MED13L: variants seen among roughly 807,000 people sequenced by gnomAD.
MED13L encodes the protein mediator of RNA polymerase II transcription subunit 13-like.
A neutral mutation model predicts 220.9 loss-of-function variants in MED13L; 7 were observed. The observed-to-expected ratio is 0.03, with a 90% CI of 0.02 to 0.06. The LOEUF is 0.06. Among genes scored for constraint, MED13L ranks in the 10% least tolerant of loss-of-function variants. The pLI is 1.00. For synonymous variants in MED13L, 1,011 were observed against 1,015.2 expected (o/e 1.00, Z 0.08); for missense variants, 1,965 against 2,760.5 (o/e 0.71, Z 6.46).
At chr12:116,081,503 A>G (rs1482680369) in intron 4 of MED13L, among the ~76,000 whole-genome samples, 1 of 152,228 alleles carries the variant, frequency 6.6e-6, no homozygotes, top group Admixed American at 6.5e-5. Flanking sequence ...ATACTCCTGT[A>G]TTAAAATAGT....
rs1228642041 is a variant in MED13L at position 116,218,523 on chromosome 12, T to C, written c.310+18945A>G. ...CAGTACTCTATGTACTTTCTGGCATTCTCCAGAAATTCGGTCTTCAGGGAA... is the reference window on the plus strand; with the variant it reads ...CAGTACTCTATGTACTTTCTGGCATCCTCCAGAAATTCGGTCTTCAGGGAA... On this transcript the variant is annotated intron_variant, in intron 2 of 30. Transcript: ENST00000281928. 5.3e-5 allele frequency among the ~76,000 whole-genome samples: 8 copies of C among 152,210 alleles called. No individual in the cohort carries two copies. In the South Asian group the frequency reaches 1.7e-3, roughly 32 times the overall value.
intron 2 of MED13L, among the ~76,000 whole-genome samples, chr12:116,169,491 A>T (rs528268666): frequency 4.9e-4 from 74 of 152,354 alleles, no homozygotes; most frequent in Admixed American, 9.1e-4. Flanking sequence ...CATCTGCCTT[A>T]ACAGAAGACA....
chr12:116,123,213 T>C (rs545991343), intron 2 of MED13L, among the ~76,000 whole-genome samples: 3 of 152,340 alleles, frequency 2.0e-5, no homozygotes, highest in African/African-American at 4.8e-5. Flanking sequence ...CCAGATTTCA[T>C]GACAGGCATT....
chr12:116,090,922 C>T (rs1322119002), intron 4 of MED13L, among the ~76,000 whole-genome samples: 1 of 151,916 alleles, frequency 6.6e-6, no homozygotes, highest in Non-Finnish European at 1.5e-5. Flanking sequence ...GTCAAGAGTT[C>T]GAGACTAGCC....
intron 2 of MED13L, among the ~76,000 whole-genome samples, chr12:116,137,784 G>C (rs1473791177): frequency 6.6e-6 from 1 of 151,746 alleles, no homozygotes; most frequent in East Asian, 1.9e-4. Flanking sequence ...AAAAAATACG[G>C]TGTTGTACCT....
intron 4 of MED13L, among the ~76,000 whole-genome samples, chr12:116,076,052 T>C (rs1870770324): frequency 6.6e-6 from 1 of 151,852 alleles, no homozygotes; most frequent in South Asian, 2.1e-4. Flanking sequence ...TAGCTGGGAC[T>C]ACAGGCGCCC....
intron 2 of MED13L, among the ~76,000 whole-genome samples, chr12:116,214,356 T>G (rs1882880262): frequency 6.6e-6 from 1 of 152,178 alleles, no homozygotes. Flanking sequence ...GTAACTCAGT[T>G]CTTGAAGTCA....
chr12:115,978,326 C>CTTTTTTTT (rs60887652), intron 23 of MED13L, among the ~76,000 whole-genome samples: 2 of 132,186 alleles, frequency 1.5e-5, no homozygotes, highest in Non-Finnish European at 3.3e-5. Context: ...AATTTTTTTT[C>CTTTTTTTT]TTTTTTTTTT....
At position 115,959,981 on chromosome 12, in the gene MED13L, C is replaced by T. The variant is rs1875658215; in HGVS notation, c.*1285G>A. The T allele has an allele frequency of 6.6e-6, 1 of 152,544 alleles. No individual in the cohort carries two copies. The highest frequency in any genetic ancestry group is 2.4e-5 in the African/African-American group (1 of 41,412). The allele number at this position is 152,544 out of a possible 1,614,324, so 9.4% of individuals were successfully genotyped here. ...CACACCCACTGTCCTCAGACAGAAA[C>T]ACACAACACAAGGGTTAGAAACAGG... On this transcript the variant is annotated 3_prime_UTR_variant, in exon 31 of 31. Transcript: ENST00000281928.
rs756574572 is a variant in MED13L at position 115,972,059 on chromosome 12, A to G, written c.5890+19T>C. 1.2e-6 allele frequency: 2 copies of G among 1,613,252 alleles called. No homozygotes were observed. The highest frequency in any genetic ancestry group is 1.7e-6 in the Non-Finnish European group (2 of 1,179,472). On this transcript the variant is annotated intron_variant, in intron 26 of 30. Transcript: ENST00000281928. ...TTGATGTGATATGTAATTAATGACA[A>G]TGACAAGAAGAAATTTACCTGGCAT...
intron 4 of MED13L, among the ~76,000 whole-genome samples, chr12:116,026,674 C>A (rs1180860746): frequency 1.3e-5 from 2 of 152,082 alleles, no homozygotes; most frequent in African/African-American, 4.8e-5. Flanking sequence ...GCCTAAATCC[C>A]AACTATTAAA....
At chr12:116,242,599 T>C (rs1247744952) in intron 1 of MED13L, among the ~76,000 whole-genome samples, 3 of 152,170 alleles carry the variant, frequency 2.0e-5, no homozygotes, top group African/African-American at 7.2e-5. Flanking sequence ...TTATGTATAA[T>C]AACCACCAAC....
intron 4 of MED13L, among the ~76,000 whole-genome samples, chr12:116,093,216 GA>G (rs1872382090): frequency 6.6e-6 from 1 of 151,970 alleles, no homozygotes; most frequent in African/African-American, 2.4e-5. Flanking sequence ...CTAGACCTTA[GA>G]AAACAGAAAT....
intron 2 of MED13L, among the ~76,000 whole-genome samples, chr12:116,168,069 G>A (rs1406737028): frequency 6.6e-6 from 1 of 152,020 alleles, no homozygotes; most frequent in Non-Finnish European, 1.5e-5. Flanking sequence ...AGATAGCTAA[G>A]CCACATGTGT....
chr12:116,196,800 C>T (rs1343196270), intron 2 of MED13L, among the ~76,000 whole-genome samples: 1 of 152,106 alleles, frequency 6.6e-6, no homozygotes, highest in Non-Finnish European at 1.5e-5. Context: ...TTTATCTAAA[C>T]TAGTTAAGAC....
At chr12:116,011,511 G>A (rs2137398417) in intron 9 of MED13L, among the ~76,000 whole-genome samples, 1 of 152,286 alleles carries the variant, frequency 6.6e-6, no homozygotes, top group East Asian at 1.9e-4. Flanking sequence ...TGAAAGAAAA[G>A]TTAAATACAC....
chr12:115,963,461 T>C lies in MED13L; in HGVS notation c.6446A>G (p.Asn2149Ser). Residue 2149 changes from asparagine (N) to serine (S), a missense_variant, in exon 30 of 31, where the codon AAT (asparagine) becomes AGT (serine). Around this residue, in one of 10 missense-constraint regions of MED13L, gnomAD observed 145 missense variants for 328.3 expected, o/e 0.44. Transcript: ENST00000281928. ...AAGAGGGTGTGGAACCCGCTGAGAA[T>C]TCCTGGCAGGCAGAAGTTCGTCTGT... ...AQTDELLPARNSQRVPHPLDS... is the reference protein window; with the variant it reads ...AQTDELLPARSSQRVPHPLDS... 2 of 1,614,232 alleles carry C rather than the reference T, an allele frequency of 1.2e-6. No individual in the cohort carries two copies. Among genetic ancestry groups the C allele is most frequent in the South Asian group, 1.1e-5 (1 of 91,088 alleles).
Position 116,190,809 on chromosome 12 carries a change from G to C in MED13L, c.310+46659C>G, listed in dbSNP as rs140945624. Reference sequence around the variant, plus strand: ...CTTCTGTTGCTTACCTTGAGGACTGGGGCTGCACACAGTGGCTCATACCTG... The same window carrying C: ...CTTCTGTTGCTTACCTTGAGGACTGCGGCTGCACACAGTGGCTCATACCTG... On this transcript the variant is annotated intron_variant, in intron 2 of 30. Coordinates refer to ENST00000281928, the MANE Select transcript of MED13L (RefSeq NM_015335.5). Among the ~76,000 whole-genome samples, 70 of 152,106 alleles carry C rather than the reference G, an allele frequency of 4.6e-4. 1 individual carries two copies. Among genetic ancestry groups the C allele is most frequent in the African/African-American group, 1.3e-3 (55 of 41,482 alleles).
intron 1 of MED13L, among the ~76,000 whole-genome samples, chr12:116,249,701 G>A (rs1218969550): frequency 5.7e-5 from 6 of 104,374 alleles, no homozygotes; most frequent in African/African-American, 1.2e-4. Flanking sequence ...TGAAAAATTC[G>A]CTGTGGGTTT....
Sources: gnomAD v4.1 joint callset for allele counts (sites outside exome capture counted in the v4.1 genomes callset) on GRCh38, gnomAD v4.1.1 for gene constraint, gnomAD v4.1.1 regional missense constraint, MANE v1.5 for transcripts, NCBI Gene and HGNC (gene_info 2026-07-23, HGNC 2026-07-21) for gene names.